Variants in LNX1 observed in about 807,000 individuals in gnomAD.
LNX1 encodes the protein E3 ubiquitin-protein ligase LNX.
A neutral mutation model predicts 68.4 loss-of-function variants in LNX1; 54 were observed. The ratio of observed to expected loss-of-function variants is 0.79; its 90% CI spans 0.63 to 0.99. LNX1 has a LOEUF of 0.99. Ranked by LOEUF, LNX1 falls within the 50% of genes least tolerant of loss-of-function variation. The pLI, the probability that LNX1 is intolerant of heterozygous loss-of-function variation, is 0.00. For missense variants in LNX1, 906 were observed against 926.4 expected (o/e 0.98, Z 0.29); for synonymous variants, 336 against 350.0 (o/e 0.96, Z 0.45).
At position 53,478,680 on chromosome 4, in the gene LNX1, T is replaced by C. The variant is rs146562527; in HGVS notation, c.1548A>G (p.Glu516=). The change falls in exon 8 of 11, where the codon GAA becomes GAG. Residue 516 remains glutamate (E), a synonymous_variant. Coordinates refer to ENST00000263925, the MANE Select transcript of LNX1 (RefSeq NM_001126328.3). ...KVVNIQKDPG[E]SLGMTVAGGA... ...CCCCTGCGACGGTCATGCCGAGAGA[T>C]TCACCGGGGTCTTTTTGGATATTTA... 32 of 1,614,004 alleles carry C rather than the reference T, an allele frequency of 2.0e-5. No homozygotes were observed. Among genetic ancestry groups the C allele is most frequent in the Non-Finnish European group, 2.5e-5 (29 of 1,180,006 alleles).
At chr4:53,644,362 A>G (rs1734802966) in intron 1 of LNX1, among the ~76,000 whole-genome samples, 1 of 152,150 alleles carries the variant, frequency 6.6e-6, no homozygotes, top group South Asian at 2.1e-4. Context: ...AGATCACGCC[A>G]CTGCACTCCA....
At chr4:53,602,034 C>T (rs1025200832) in intron 2 of LNX1, among the ~76,000 whole-genome samples, 20 of 152,112 alleles carry the variant, frequency 1.3e-4, no homozygotes, top group Non-Finnish European at 5.9e-5. Flanking sequence ...CATGAAATTT[C>T]ATAAAACATC....
intron 1 of LNX1, among the ~76,000 whole-genome samples, chr4:53,637,062 C>G (rs1030183664): frequency 6.6e-6 from 1 of 151,466 alleles, no homozygotes; most frequent in African/African-American, 2.4e-5. Context: ...AATTGTTTCA[C>G]TCTCCTGTTA....
intron 2 of LNX1, among the ~76,000 whole-genome samples, chr4:53,523,647 AG>A (rs1727407476): frequency 2.0e-5 from 3 of 152,200 alleles, no homozygotes; most frequent in Admixed American, 1.3e-4. Context: ...GTAGCCTATT[AG>A]TAGGAGACTA....
At chr4:53,550,169 G>T (rs2109695009) in intron 2 of LNX1, among the ~76,000 whole-genome samples, 1 of 152,344 alleles carries the variant, frequency 6.6e-6, no homozygotes, top group African/African-American at 2.4e-5. Context: ...GTAAATGAAT[G>T]AGGGCCATGC....
At chr4:53,627,856 C>T (rs1734135337) in intron 1 of LNX1, among the ~76,000 whole-genome samples, 1 of 152,178 alleles carries the variant, frequency 6.6e-6, no homozygotes, top group Non-Finnish European at 1.5e-5. Context: ...TCTCCTTCTG[C>T]ATGCCCCTTT....
At chr4:53,554,475 G>A (rs1219160696) in intron 2 of LNX1, among the ~76,000 whole-genome samples, 1 of 152,252 alleles carries the variant, frequency 6.6e-6, no homozygotes, top group Admixed American at 6.5e-5. Context: ...GAATTTGAAT[G>A]CTTTCAGGCA....
chr4:53,564,928 G>A (rs1350528703), intron 2 of LNX1, among the ~76,000 whole-genome samples: 2 of 152,210 alleles, frequency 1.3e-5, no homozygotes, highest in Non-Finnish European at 2.9e-5. Flanking sequence ...CCCGAATACT[G>A]CGCTTTTCCG....
At chr4:53,633,342 C>G (rs1734346065) in intron 1 of LNX1, among the ~76,000 whole-genome samples, 1 of 152,182 alleles carries the variant, frequency 6.6e-6, no homozygotes. Flanking sequence ...TGCACAATAA[C>G]TTTCTTAGTC....
chr4:53,547,121 T>C (rs1195870836), intron 2 of LNX1, among the ~76,000 whole-genome samples: 2 of 152,206 alleles, frequency 1.3e-5, no homozygotes, highest in Non-Finnish European at 2.9e-5. Context: ...AATCGAAGAC[T>C]ATGTCTATTG....
chr4:53,597,305 C>T (rs1253135406), intron 2 of LNX1, among the ~76,000 whole-genome samples: 7 of 152,200 alleles, frequency 4.6e-5, no homozygotes, highest in Non-Finnish European at 1.0e-4. Context: ...AGCTCCTTTG[C>T]CTTGCCTGGC....
intron 2 of LNX1, among the ~76,000 whole-genome samples, chr4:53,571,086 T>G (rs532681399): frequency 6.6e-6 from 1 of 151,912 alleles, no homozygotes; most frequent in East Asian, 2.0e-4. Flanking sequence ...TCACCTAATC[T>G]TGGCTTACTG....
intron 2 of LNX1, among the ~76,000 whole-genome samples, chr4:53,531,699 T>G (rs1560649264): frequency 6.6e-6 from 1 of 152,236 alleles, no homozygotes; most frequent in South Asian, 2.1e-4. Context: ...AACGTGAGAC[T>G]GAAATGCCCC....
chr4:53,614,068 T>A (rs1733596267), intron 2 of LNX1, among the ~76,000 whole-genome samples: 1 of 152,230 alleles, frequency 6.6e-6, no homozygotes, highest in African/African-American at 2.4e-5. Flanking sequence ...TAATGATCAG[T>A]GATGATGAGC....
At chr4:53,597,964 A>G (rs893008902) in intron 2 of LNX1, among the ~76,000 whole-genome samples, 2 of 152,150 alleles carry the variant, frequency 1.3e-5, no homozygotes, top group African/African-American at 4.8e-5. Context: ...CTCTTTGCCC[A>G]TGTTCTGAAT....
intron 2 of LNX1, among the ~76,000 whole-genome samples, chr4:53,542,935 C>T (rs1019978122): frequency 5.3e-5 from 8 of 152,160 alleles, no homozygotes; most frequent in South Asian, 2.1e-4. Context: ...GCTCCTCTAA[C>T]GTGGTTCTCA....
At chr4:53,645,838 G>T (rs894288673) in intron 1 of LNX1, among the ~76,000 whole-genome samples, 1 of 152,158 alleles carries the variant, frequency 6.6e-6, no homozygotes, top group Non-Finnish European at 1.5e-5. Context: ...ATCTGAAACC[G>T]TATGAAATAC....
intron 1 of LNX1, among the ~76,000 whole-genome samples, chr4:53,635,914 T>C (rs1236854703): frequency 6.6e-6 from 1 of 152,212 alleles, no homozygotes; most frequent in Non-Finnish European, 1.5e-5. Flanking sequence ...AAATATTTAC[T>C]AAGTGTGCAT....
intron 2 of LNX1, among the ~76,000 whole-genome samples, chr4:53,509,610 G>A (rs1265800695): frequency 2.6e-5 from 4 of 152,172 alleles, no homozygotes; most frequent in African/African-American, 9.7e-5. Context: ...AGTCTTATCA[G>A]GGGTTTAGTA....
Sources: gnomAD v4.1 joint callset for allele counts (sites outside exome capture counted in the v4.1 genomes callset) on GRCh38, gnomAD v4.1.1 for gene constraint, MANE v1.5 for transcripts, NCBI Gene and HGNC (gene_info 2026-07-23, HGNC 2026-07-21) for gene names.